SRD5A3: variants seen among roughly 807,000 people sequenced by gnomAD.
SRD5A3 encodes polyprenal reductase.
A neutral mutation model predicts 34.3 loss-of-function variants in SRD5A3; 24 were observed. That is an observed-to-expected ratio of 0.70 (90% confidence interval 0.51 to 0.99). The LOEUF is 0.99. Among genes scored for constraint, SRD5A3 ranks in the 50% least tolerant of loss-of-function variants. The probability of loss-of-function intolerance (pLI) is 0.00; values close to 1 mark genes in which losing one functional copy is unlikely to be tolerated. For synonymous variants in SRD5A3, 161 were observed against 167.3 expected, an observed-to-expected ratio of 0.96 and a Z score of 0.29; for missense variants, 350 against 388.2, an observed-to-expected ratio of 0.90 and a Z score of 0.83.
intron 1 of SRD5A3, among the ~76,000 whole-genome samples, chr4:55,354,202 AT>A (rs1245581259): frequency 1.3e-5 from 2 of 152,028 alleles, no homozygotes; most frequent in African/African-American, 4.8e-5. Flanking sequence ...GGTTCAAGTG[AT>A]TCTCGTGTCT....
intron 1 of SRD5A3, among the ~76,000 whole-genome samples, chr4:55,350,245 C>T (rs908519751): frequency 1.3e-5 from 2 of 152,090 alleles, no homozygotes; most frequent in African/African-American, 2.4e-5. Flanking sequence ...TGGCGAGCAC[C>T]GGTAATTCCA....
At chr4:55,359,125 C>A (rs1719581140) in intron 1 of SRD5A3, 2 of 551,236 alleles carry the variant, frequency 3.6e-6, no homozygotes, top group Non-Finnish European at 6.4e-6. Flanking sequence ...TCTTGTTAAC[C>A]TCAGAGAGGC....
chr4:55,351,219 G>A (rs567536041), intron 1 of SRD5A3, among the ~76,000 whole-genome samples: 5 of 151,900 alleles, frequency 3.3e-5, no homozygotes, highest in South Asian at 4.2e-4. Context: ...ACACAGGTAC[G>A]TGCCACCATG....
chr4:55,353,897 A>G (rs1368105174), intron 1 of SRD5A3, among the ~76,000 whole-genome samples: 2 of 152,198 alleles, frequency 1.3e-5, no homozygotes, highest in African/African-American at 4.8e-5. Flanking sequence ...CCACAGCTTC[A>G]TTCTTGAAGT....
At chr4:55,368,063 A>T (rs1719969329) in intron 4 of SRD5A3, among the ~76,000 whole-genome samples, 1 of 152,134 alleles carries the variant, frequency 6.6e-6, no homozygotes, top group African/African-American at 2.4e-5. Flanking sequence ...TATAGTTTCC[A>T]TTAGGTTTTT....
At chr4:55,349,395 A>C (rs1014755473) in intron 1 of SRD5A3, among the ~76,000 whole-genome samples, 6 of 152,198 alleles carry the variant, frequency 3.9e-5, no homozygotes, top group Admixed American at 6.5e-5. Flanking sequence ...AGAAATAGGC[A>C]GTTGTAAATC....
chr4:55,361,544 A>G (rs2109476511), intron 2 of SRD5A3, among the ~76,000 whole-genome samples: 1 of 151,536 alleles, frequency 6.6e-6, no homozygotes, highest in East Asian at 1.9e-4. Context: ...ACTCATACCT[A>G]TAACCCCAGC....
chr4:55,352,424 C>G (rs570438642), intron 1 of SRD5A3: 8 of 748,208 alleles, frequency 1.1e-5, no homozygotes, highest in African/African-American at 1.7e-5. Flanking sequence ...CACCACACTC[C>G]TGTGCTTGTA....
Position 55,359,686 on chromosome 4 carries a change from A to C in SRD5A3, c.364+198A>C, listed in dbSNP as rs550224372. On this transcript the variant is annotated intron_variant, in intron 2 of 4. Coordinates refer to ENST00000264228, the MANE Select transcript of SRD5A3 (RefSeq NM_024592.5). ...AAGGATGTCCCTAAGCCCTTCCCTGAGAAGGAGACAGAGCCAAGAGTTAGC... is the reference window on the plus strand; with the variant it reads ...AAGGATGTCCCTAAGCCCTTCCCTGCGAAGGAGACAGAGCCAAGAGTTAGC... Among the ~76,000 whole-genome samples, 109 of 152,314 alleles carry C rather than the reference A, an allele frequency of 7.2e-4. 1 individual carries two copies. The highest frequency in any genetic ancestry group is 2.4e-3 in the African/African-American group (99 of 41,586).
intron 1 of SRD5A3, 174 bp from the exon 2 acceptor site, chr4:55,359,172 A>G: frequency 1.2e-6 from 1 of 836,938 alleles, no homozygotes; most frequent in Non-Finnish European, 1.9e-6. Flanking sequence ...CCGTTATTTG[A>G]AAGGAAATTT....
Position 55,346,480 on chromosome 4 carries a change from C to G in SRD5A3, c.144C>G (p.Asp48Glu). 1 of 1,606,198 alleles carries G rather than the reference C, an allele frequency of 6.2e-7. No homozygotes were observed. The highest frequency in any genetic ancestry group is 1.7e-5 in the Admixed American group (1 of 59,426). Residue 48 changes from aspartate (D) to glutamate (E), a missense_variant, in exon 1 of 5, where the codon GAC (aspartate) becomes GAG (glutamate). Asp to Glu is a conservative substitution (Grantham distance 45, BLOSUM62 2). Coordinates refer to ENST00000264228, the MANE Select transcript of SRD5A3 (RefSeq NM_024592.5). Reference protein sequence around the residue: ...GLLPGCAIFQDLIRYGKTKCG... With the variant: ...GLLPGCAIFQELIRYGKTKCG... Reference sequence around the variant, plus strand: ...TCCCGGGCTGCGCGATCTTCCAGGACCTGATCCGCTATGGGAAAACCAAGT... The same window carrying G: ...TCCCGGGCTGCGCGATCTTCCAGGAGCTGATCCGCTATGGGAAAACCAAGT...
In SRD5A3 at chr4:55,346,533, G is replaced by A; in HGVS notation, c.197G>A (p.Cys66Tyr). The change falls in exon 1 of 5, where the codon TGC becomes TAC. Residue 66 changes from cysteine to tyrosine, a missense_variant. By Grantham distance (194) the Cys-to-Tyr change is radical. Coordinates refer to ENST00000264228, the MANE Select transcript of SRD5A3 (RefSeq NM_024592.5). ...KCGEPSRPAA[C>Y]RAFDVPKRYF... ...GGGGAGCCGTCGCGCCCCGCCGCCTGCCGAGCCTTTGATGTCCCCAAGAGG... is the reference window on the plus strand; with the variant it reads ...GGGGAGCCGTCGCGCCCCGCCGCCTACCGAGCCTTTGATGTCCCCAAGAGG... 6.3e-7 allele frequency: 1 copy of A among 1,597,542 alleles called. No homozygotes were observed. The highest frequency in any genetic ancestry group is 8.5e-7 in the Non-Finnish European group (1 of 1,173,182).
Position 55,370,063 on chromosome 4 carries a change from G to A in SRD5A3, c.929G>A (p.Arg310Lys). 6.2e-7 allele frequency: 1 copy of A among 1,613,920 alleles called. No individual in the cohort carries two copies. The highest frequency in any genetic ancestry group is 8.5e-7 in the Non-Finnish European group (1 of 1,180,026). Residue 310 changes from arginine (R) to lysine (K), a missense_variant, in exon 5 of 5, where the codon AGG (arginine) becomes AAG (lysine). Transcript: ENST00000264228. ...AAATTTGTCTCTTACCCGAAGCATA[G>A]GAAAGCTTTCCTACCATTTTTGTTT... is the stretch of plus-strand genomic sequence containing the variant. Reference protein sequence around the residue: ...KSKFVSYPKHRKAFLPFLF With the variant: ...KSKFVSYPKHKKAFLPFLF
At chr4:55,367,067 A>T (rs1719927510) in intron 3 of SRD5A3, 1 of 165,416 alleles carries the variant, frequency 6.0e-6, no homozygotes, top group African/African-American at 2.4e-5. Context: ...GATTTCTTTC[A>T]TTGACCAGAG....
At chr4:55,368,102 C>T (rs1388258092) in intron 4 of SRD5A3, among the ~76,000 whole-genome samples, 6 of 152,090 alleles carry the variant, frequency 3.9e-5, no homozygotes, top group South Asian at 2.1e-4. Flanking sequence ...ATAGGCCAGG[C>T]GCAGTGGCTC....
At chr4:55,346,852 A>G (rs1719017348) in intron 1 of SRD5A3, among the ~76,000 whole-genome samples, 1 of 152,228 alleles carries the variant, frequency 6.6e-6, no homozygotes, top group South Asian at 2.1e-4. Context: ...CCTGTGGGAA[A>G]TGGCAACGCA....
Position 55,367,709 on chromosome 4 carries a change from G to A in SRD5A3, c.684G>A (p.Arg228=). The A allele has an allele frequency of 2.5e-6, 4 of 1,614,082 alleles. No homozygotes were observed. Among genetic ancestry groups the A allele is most frequent in the Non-Finnish European group, 3.4e-6 (4 of 1,180,010 alleles). ...GCCATGTTATTCTCGGCAATCTCAGGAAAAATAAAGCAGGTGAGACCTCTT... is the reference window on the plus strand; with the variant it reads ...GCCATGTTATTCTCGGCAATCTCAGAAAAAATAAAGCAGGTGAGACCTCTT... ...YKCHVILGNL[R]KNKAGVVIHC... Residue 228 remains arginine (R), a synonymous_variant, in exon 4 of 5, where the codon AGG becomes AGA. Coordinates refer to ENST00000264228, the MANE Select transcript of SRD5A3 (RefSeq NM_024592.5).
chr4:55,359,727 G>C (rs1719606830), intron 2 of SRD5A3, among the ~76,000 whole-genome samples: 1 of 152,154 alleles, frequency 6.6e-6, no homozygotes, highest in African/African-American at 2.4e-5. Context: ...TGACTTCCCA[G>C]CAAGTGCTGT....
Position 55,364,421 on chromosome 4 carries a change from T to C in SRD5A3, c.562+150T>C, listed in dbSNP as rs1390789038. ...TTTCAGGAGATGAGACTCAAGTCGA[T>C]TTTAAAAGGCCGGGCGTGGTCGCTT... On this transcript the variant is annotated intron_variant, in intron 3 of 4. Transcript: ENST00000264228. 18 of 928,358 alleles carry C rather than the reference T, an allele frequency of 1.9e-5. No homozygotes were observed. In the Admixed American group the frequency reaches 3.4e-4, roughly 18 times the overall value. The allele number at this position is 928,358 out of a possible 1,614,324, so 57.5% of individuals were successfully genotyped here.
Sources: gnomAD v4.1 joint callset for allele counts (sites outside exome capture counted in the v4.1 genomes callset) on GRCh38, gnomAD v4.1.1 for gene constraint, MANE v1.5 for transcripts, NCBI Gene and HGNC (gene_info 2026-07-23, HGNC 2026-07-21) for gene names.